CAMTA1: variants seen among roughly 807,000 people sequenced by gnomAD.
CAMTA1 encodes the protein calmodulin-binding transcription activator 1.
In CAMTA1, 27 loss-of-function variants were observed where a neutral mutation model predicts 170.9. The observed-to-expected ratio is 0.16, with a 90% CI of 0.12 to 0.22. CAMTA1 has a LOEUF of 0.22. Ranked by LOEUF, CAMTA1 falls within the 10% of genes least tolerant of loss-of-function variation. The probability of loss-of-function intolerance (pLI) is 1.00; values close to 1 mark genes in which losing one functional copy is unlikely to be tolerated. For missense variants in CAMTA1, 1,619 were observed against 2,217.2 expected (o/e 0.73, Z 5.42); for synonymous variants, 833 against 891.5 (o/e 0.93, Z 1.17).
chr1:7,114,486 T>C (rs559851526), intron 4 of CAMTA1, among the ~76,000 whole-genome samples: 6 of 151,498 alleles, frequency 4.0e-5, no homozygotes, highest in Non-Finnish European at 7.4e-5. Flanking sequence ...AAACTCATAA[T>C]GTTTTAAGAA....
chr1:7,750,114 T>G (rs2096885712), intron 19 of CAMTA1, among the ~76,000 whole-genome samples: 1 of 152,176 alleles, frequency 6.6e-6, no homozygotes, highest in South Asian at 2.1e-4. Context: ...GAGTGTGTAG[T>G]GTGCACAGGT....
At chr1:7,411,804 A>T (rs996611630) in intron 5 of CAMTA1, among the ~76,000 whole-genome samples, 5 of 151,842 alleles carry the variant, frequency 3.3e-5, no homozygotes, top group Non-Finnish European at 7.4e-5. Flanking sequence ...CATGTGCACA[A>T]TGTGCAGGTT....
intron 6 of CAMTA1, among the ~76,000 whole-genome samples, chr1:7,622,388 T>C (rs2095604786): frequency 6.6e-6 from 1 of 152,256 alleles, no homozygotes; most frequent in Non-Finnish European, 1.5e-5. Flanking sequence ...ATCCAAGTTC[T>C]TTCCATCATC....
At position 7,010,690 on chromosome 1, in the gene CAMTA1, G is replaced by C. The variant is rs188801136; in HGVS notation, c.235-80614G>C. On this transcript the variant is annotated intron_variant, in intron 3 of 22. Coordinates refer to ENST00000303635, the MANE Select transcript of CAMTA1 (RefSeq NM_015215.4). This position sits in a 1 kb window ranked among gnomAD's most constrained non-coding sequence, Gnocchi z 4.4. Reference sequence around the variant, plus strand: ...ATAGGTGCTGTTTACGTGATAGCTTGTATGGTTGGCTCTCCACACCCACCC... The same window carrying C: ...ATAGGTGCTGTTTACGTGATAGCTTCTATGGTTGGCTCTCCACACCCACCC... Among the ~76,000 whole-genome samples the C allele has an allele frequency of 3.8e-4, 58 of 152,290 alleles. No individual in the cohort carries two copies. Among genetic ancestry groups the C allele is most frequent in the Non-Finnish European group, 6.5e-4 (44 of 68,012 alleles).
intron 5 of CAMTA1, among the ~76,000 whole-genome samples, chr1:7,275,235 G>A (rs1161842020): frequency 6.6e-6 from 1 of 150,604 alleles, no homozygotes; most frequent in Non-Finnish European, 1.5e-5. Flanking sequence ...TACAGGGAAA[G>A]CAGATATTAG....
chr1:6,843,976 T>G (rs1656927264), intron 3 of CAMTA1, among the ~76,000 whole-genome samples: 1 of 152,202 alleles, frequency 6.6e-6, no homozygotes, highest in South Asian at 2.1e-4. Context: ...AAACTAGAAT[T>G]ATCTATGAGA....
In CAMTA1 at chr1:7,249,772, G is replaced by A. The variant is rs181488337; in HGVS notation, c.438+146G>A. 47 of 928,642 alleles carry A rather than the reference G, an allele frequency of 5.1e-5. No homozygotes were observed. In the East Asian group the frequency reaches 6.7e-4, roughly 13 times the overall value. The allele number at this position is 928,642 out of a possible 1,614,324, so 57.5% of individuals were successfully genotyped here. A position where few individuals can be genotyped will look rare whatever the true frequency, so the allele number is the denominator to read the frequency against. On this transcript the variant is annotated intron_variant, in intron 5 of 22. Transcript: ENST00000303635. This position sits in a 1 kb window ranked among gnomAD's most constrained non-coding sequence, Gnocchi z 4.4. ...AGACCCTGGTTTTTGCTTTTGTTTC[G>A]TTTTTCTACCTTCTTACCCTATAGT... is the stretch of plus-strand genomic sequence containing the variant.
At chr1:6,811,251 A>G (rs1418122647) in intron 1 of CAMTA1, among the ~76,000 whole-genome samples, 3 of 152,372 alleles carry the variant, frequency 2.0e-5, no homozygotes, top group African/African-American at 7.2e-5. Context: ...TATAGACTAC[A>G]AAGTAATATG....
chr1:6,883,355 C>T (rs1354134609), intron 3 of CAMTA1, among the ~76,000 whole-genome samples: 1 of 152,050 alleles, frequency 6.6e-6, no homozygotes, highest in Non-Finnish European at 1.5e-5. Flanking sequence ...AGCCCAGTTC[C>T]AGGTGGTTCA....
intron 5 of CAMTA1, among the ~76,000 whole-genome samples, chr1:7,357,148 C>T (rs1471851992): frequency 1.3e-5 from 2 of 152,332 alleles, no homozygotes; most frequent in East Asian, 3.9e-4. Context: ...AGGATGAAAC[C>T]AAGGGCCCTG....
chr1:7,594,979 G>T (rs1459712444), intron 6 of CAMTA1, among the ~76,000 whole-genome samples: 1 of 152,230 alleles, frequency 6.6e-6, no homozygotes, highest in African/African-American at 2.4e-5. Flanking sequence ...CAAGGGTCAG[G>T]CGATGGGGGA....
At chr1:6,980,393 C>T (rs574813359) in intron 3 of CAMTA1, among the ~76,000 whole-genome samples, 4 of 152,156 alleles carry the variant, frequency 2.6e-5, no homozygotes, top group Non-Finnish European at 5.9e-5. Context: ...CTCTGCACTG[C>T]ATTGAAGTAG....
Position 7,747,646 on chromosome 1 carries a change from A to T in CAMTA1, c.4618-64A>T. On this transcript the variant is annotated intron_variant, in intron 18 of 22. Transcript: ENST00000303635. ...GAAGGTGCATTAAATGAGTAGTAAT[A>T]AAAAGCTGACATTTCTGGTAGTTAA... is the stretch of plus-strand genomic sequence containing the variant. 5.1e-6 allele frequency: 6 copies of T among 1,178,544 alleles called. No individual in the cohort carries two copies. The South Asian group carries it at 8.4e-5, about 16-fold the overall frequency. The allele number at this position is 1,178,544 out of a possible 1,614,324, so 73.0% of individuals were successfully genotyped here. A position where few individuals can be genotyped will look rare whatever the true frequency, so the allele number is the denominator to read the frequency against.
intron 4 of CAMTA1, among the ~76,000 whole-genome samples, chr1:7,244,307 T>A (rs1371340691): frequency 6.6e-6 from 1 of 152,200 alleles, no homozygotes; most frequent in Admixed American, 6.5e-5. Context: ...TGTAAACTAG[T>A]TCAACCATTG....
intron 17 of CAMTA1, among the ~76,000 whole-genome samples, 180 bp downstream of exon 17, chr1:7,745,202 A>G (rs1558283500): frequency 6.6e-6 from 1 of 152,136 alleles, no homozygotes; most frequent in Non-Finnish European, 1.5e-5. Context: ...TACCTCTCCC[A>G]TTATTTTTTT....
chr1:6,860,836 C>T lies in CAMTA1; in HGVS notation c.234+35626C>T, dbSNP rs536103506. 7.9e-5 allele frequency among the ~76,000 whole-genome samples: 12 copies of T among 151,904 alleles called. No individual in the cohort carries two copies. In the East Asian group the frequency reaches 1.4e-3, roughly 17 times the overall value. ...CTGAGGTGGGAGAACTGCTTGAACC[C>T]GGGAGGCAGAAGTTGTAGTGACCCC... On this transcript the variant is annotated intron_variant, in intron 3 of 22. Transcript: ENST00000303635.
intron 6 of CAMTA1, among the ~76,000 whole-genome samples, chr1:7,485,038 C>A (rs577407314): frequency 1.1e-4 from 16 of 152,258 alleles, no homozygotes; most frequent in African/African-American, 3.9e-4. Flanking sequence ...CCTGGTGACT[C>A]TGGGAATGTC....
chr1:7,496,951 G>A (rs969942851), intron 6 of CAMTA1, among the ~76,000 whole-genome samples: 4 of 151,930 alleles, frequency 2.6e-5, no homozygotes, highest in South Asian at 2.1e-4. Context: ...CCCTTCCTAG[G>A]CCATGCAAAA....
At chr1:7,349,491 C>A (rs903433999) in intron 5 of CAMTA1, among the ~76,000 whole-genome samples, 1 of 152,228 alleles carries the variant, frequency 6.6e-6, no homozygotes, top group Non-Finnish European at 1.5e-5. Context: ...CATGTGTGTA[C>A]TCTGGCTGCC....
Sources: gnomAD v4.1 joint callset for allele counts (sites outside exome capture counted in the v4.1 genomes callset) on GRCh38, gnomAD v4.1.1 for gene constraint, Gnocchi (gnomAD v3.1) non-coding constraint, MANE v1.5 for transcripts, NCBI Gene and HGNC (gene_info 2026-07-23, HGNC 2026-07-21) for gene names.